Variants in CNTN4 observed in about 807,000 individuals in gnomAD.
CNTN4 encodes the protein contactin 4.
A neutral mutation model predicts 122.5 loss-of-function variants in CNTN4; 77 were observed. The observed-to-expected ratio is 0.63, with a 90% CI of 0.52 to 0.76. CNTN4 has a LOEUF of 0.76. Among genes scored for constraint, CNTN4 ranks in the 30% least tolerant of loss-of-function variants. The pLI, the probability that CNTN4 is intolerant of heterozygous loss-of-function variation, is 0.00. For missense variants in CNTN4, 1,256 were observed against 1,259.1 expected (o/e 1.00, Z 0.04); for synonymous variants, 512 against 447.0 (o/e 1.15, Z -1.83).
chr3:2,630,479 A>C (rs1325522917), intron 4 of CNTN4, among the ~76,000 whole-genome samples: 1 of 152,196 alleles, frequency 6.6e-6, no homozygotes, highest in Non-Finnish European at 1.5e-5. Context: ...CAATCTGTAT[A>C]TCTATCTTAC....
At chr3:2,602,336 A>G (rs954480560) in intron 4 of CNTN4, among the ~76,000 whole-genome samples, 1 of 152,220 alleles carries the variant, frequency 6.6e-6, no homozygotes. Flanking sequence ...TTGTATATTT[A>G]GAAAACCCCA....
At chr3:2,615,239 A>G (rs1425548926) in intron 4 of CNTN4, among the ~76,000 whole-genome samples, 1 of 152,240 alleles carries the variant, frequency 6.6e-6, no homozygotes, top group East Asian at 1.9e-4. Context: ...CATTACAGCC[A>G]TTTATAACAG....
At chr3:2,975,328 G>C (rs2125135878) in intron 13 of CNTN4, among the ~76,000 whole-genome samples, 1 of 152,214 alleles carries the variant, frequency 6.6e-6, no homozygotes, top group East Asian at 1.9e-4. Flanking sequence ...GGATAGCATG[G>C]TAGGAAGGGT....
chr3:2,985,735 G>A (rs1694499924), intron 13 of CNTN4, among the ~76,000 whole-genome samples: 1 of 152,064 alleles, frequency 6.6e-6, no homozygotes, highest in South Asian at 2.1e-4. Flanking sequence ...TCTGCCTCTT[G>A]TACCTTGATT....
chr3:2,497,483 C>T (rs1183393322), intron 3 of CNTN4, among the ~76,000 whole-genome samples: 2 of 152,144 alleles, frequency 1.3e-5, no homozygotes, highest in Non-Finnish European at 2.9e-5. Flanking sequence ...TATAATGAAC[C>T]ATTTAATGTC....
rs1003001798 is a variant in CNTN4 at position 2,385,205 on chromosome 3, ATCTG to A, written c.-89+45976_-89+45979del. ...TAATCCCAAACTCTTTTTAAAAATA[ATCTG>A]TCTACTACTCAACTTTCTACTCAGT... On this transcript the variant is annotated intron_variant, in intron 3 of 24. Coordinates refer to ENST00000418658, the MANE Select transcript of CNTN4 (RefSeq NM_175607.3). The surrounding 1 kb of genome is among the most constrained non-coding windows in gnomAD (Gnocchi z 4.0). Among the ~76,000 whole-genome samples, 4 of 152,052 alleles carry A rather than the reference ATCTG, an allele frequency of 2.6e-5. No homozygotes were observed. The highest frequency in any genetic ancestry group is 2.1e-4 in the South Asian group (1 of 4,824).
intron 4 of CNTN4, among the ~76,000 whole-genome samples, chr3:2,662,367 C>A (rs1455301961): frequency 6.6e-6 from 1 of 152,188 alleles, no homozygotes; most frequent in East Asian, 1.9e-4. Flanking sequence ...TACAGTCATT[C>A]AGGGATGCAG....
intron 3 of CNTN4, among the ~76,000 whole-genome samples, chr3:2,374,423 TAA>T (rs1389762273): frequency 6.6e-6 from 1 of 152,234 alleles, no homozygotes; most frequent in African/African-American, 2.4e-5. Flanking sequence ...CTGTGTATAT[TAA>T]GAGTTTAACT....
intron 3 of CNTN4, among the ~76,000 whole-genome samples, chr3:2,545,896 C>G (rs1351848748): frequency 6.6e-6 from 1 of 151,874 alleles, no homozygotes; most frequent in African/African-American, 2.4e-5. Flanking sequence ...CAGTATGCAG[C>G]TAACAACCTT....
chr3:2,469,853 C>G (rs2075624435), intron 3 of CNTN4, among the ~76,000 whole-genome samples: 1 of 152,184 alleles, frequency 6.6e-6, no homozygotes, highest in Admixed American at 6.5e-5. Flanking sequence ...TAACTTTTCA[C>G]TGTCTAATTT....
chr3:2,960,765 C>T (rs899685903), intron 13 of CNTN4, among the ~76,000 whole-genome samples: 2 of 152,190 alleles, frequency 1.3e-5, no homozygotes, highest in Non-Finnish European at 2.9e-5. Context: ...TGTCCTGCGT[C>T]ATGTCCTTTG....
At chr3:2,430,812 G>C (rs1460508677) in intron 3 of CNTN4, among the ~76,000 whole-genome samples, 1 of 151,976 alleles carries the variant, frequency 6.6e-6, no homozygotes, top group East Asian at 1.9e-4. Context: ...TTGAGATTTT[G>C]TTTCATCACC....
chr3:2,434,413 A>T (rs1559549783), intron 3 of CNTN4, among the ~76,000 whole-genome samples: 1 of 152,248 alleles, frequency 6.6e-6, no homozygotes, highest in Non-Finnish European at 1.5e-5. Context: ...GTCTTGAGCT[A>T]GGAAAGAATT....
intron 4 of CNTN4, among the ~76,000 whole-genome samples, chr3:2,657,582 AT>A (rs2083649221): frequency 6.6e-6 from 1 of 152,172 alleles, no homozygotes; most frequent in African/African-American, 2.4e-5. Flanking sequence ...CAGGAAGTAA[AT>A]TAGTTTTTTC....
rs1055885337 is a variant in CNTN4 at position 2,440,587 on chromosome 3, G to A, written c.-89+101354G>A. Among the ~76,000 whole-genome samples the A allele has an allele frequency of 4.3e-4, 66 of 151,916 alleles. 1 individual carries two copies. The highest frequency in any genetic ancestry group is 3.3e-4 in the Admixed American group (5 of 15,208). ...AGTGTATTTGAGAATAGAGACATGT[G>A]TTTGTCTTTGAATGATGGGGTATCT... On this transcript the variant is annotated intron_variant, in intron 3 of 24. Transcript: ENST00000418658.
chr3:2,986,120 G>T (rs1480389375), intron 13 of CNTN4, among the ~76,000 whole-genome samples: 2 of 151,916 alleles, frequency 1.3e-5, no homozygotes, highest in Non-Finnish European at 2.9e-5. Context: ...TTGCCATGTT[G>T]CCCAGACTGG....
intron 4 of CNTN4, among the ~76,000 whole-genome samples, chr3:2,681,262 G>T (rs541050246): frequency 9.9e-4 from 151 of 152,276 alleles, no homozygotes; most frequent in African/African-American, 3.5e-3. Flanking sequence ...CCAAAACATG[G>T]CACATAAGCT....
intron 3 of CNTN4, among the ~76,000 whole-genome samples, chr3:2,388,592 C>T (rs1318093079): frequency 6.6e-6 from 1 of 152,244 alleles, no homozygotes; most frequent in Non-Finnish European, 1.5e-5. Context: ...CGCCTGTAAT[C>T]ACAGCAATTT....
intron 2 of CNTN4, among the ~76,000 whole-genome samples, chr3:2,234,192 A>T (rs532365517): frequency 3.3e-5 from 5 of 151,994 alleles, no homozygotes; most frequent in African/African-American, 1.2e-4. Context: ...TAGCCTGACC[A>T]ATATGGTGAA....
Sources: allele counts gnomAD v4.1 joint callset (sites outside exome capture counted in the v4.1 genomes callset), GRCh38; gene constraint gnomAD v4.1.1; non-coding constraint Gnocchi (gnomAD v3.1); transcripts MANE v1.5; gene names NCBI Gene and HGNC (gene_info 2026-07-23, HGNC 2026-07-21).